KIF9: variants seen among roughly 807,000 people sequenced by gnomAD.
KIF9 encodes kinesin-like protein KIF9.
In KIF9, 68 loss-of-function variants were observed where a neutral mutation model predicts 94.8. The observed-to-expected ratio is 0.72, with a 90% CI of 0.59 to 0.88. KIF9 has a LOEUF of 0.88. Among genes scored for constraint, KIF9 ranks in the 40% least tolerant of loss-of-function variants. KIF9 has a pLI of 0.00. For synonymous variants in KIF9, 343 were observed against 362.1 expected, an observed-to-expected ratio of 0.95 and a Z score of 0.60; for missense variants, 882 against 982.5, an observed-to-expected ratio of 0.90 and a Z score of 1.37.
chr3:47,273,786 C>T (rs1398107527), intron 3 of KIF9, 128 bp from the exon 4 acceptor site: 3 of 776,310 alleles, frequency 3.9e-6, no homozygotes, highest in Non-Finnish European at 6.6e-6. Context: ...CAGCCAAGAA[C>T]ATCAGGAATT....
At chr3:47,276,569 A>G (rs1232252887) in intron 2 of KIF9, among the ~76,000 whole-genome samples, 3 of 151,682 alleles carry the variant, frequency 2.0e-5, no homozygotes, top group Admixed American at 6.6e-5. Context: ...AAAAAAAAAA[A>G]AAAAAGAAAA....
At chr3:47,269,091 C>T (rs1401801179) in intron 5 of KIF9, among the ~76,000 whole-genome samples, 1 of 151,978 alleles carries the variant, frequency 6.6e-6, no homozygotes, top group Non-Finnish European at 1.5e-5. Context: ...GTCTTTCTGG[C>T]CCTTTAAAAA....
In KIF9 at chr3:47,282,657, A is replaced by G; in HGVS notation, c.-168T>C. 3 of 1,226,910 alleles carry G rather than the reference A, an allele frequency of 2.4e-6. No individual in the cohort carries two copies. The highest frequency in any genetic ancestry group is 1.0e-6 in the Non-Finnish European group (1 of 971,876). The allele number at this position is 1,226,910 out of a possible 1,614,324, so 76.0% of individuals were successfully genotyped here. A position where few individuals can be genotyped will look rare whatever the true frequency, so the allele number is the denominator to read the frequency against. On this transcript the variant is annotated 5_prime_UTR_variant, in exon 1 of 21. It removes the in-frame stop codon of an upstream open reading frame in the 5' UTR. Coordinates refer to ENST00000684063, the MANE Select transcript of KIF9 (RefSeq NM_182902.4). ...TGGCGGAAATGAAGTCCGAGGTCCT[A>G]CGTCGAGGATACGGGTGAGGTCATG...
chr3:47,236,717 T>C, intron 17 of KIF9, 98 bp from the exon 18 acceptor site: 1 of 1,088,890 alleles, frequency 9.2e-7, no homozygotes, highest in South Asian at 1.4e-5. Context: ...TGGCAAATCA[T>C]GAAGACAGGA....
At chr3:47,273,489 A>C (rs1419139617) in intron 4 of KIF9, 63 bp downstream of exon 4, 8 of 1,304,384 alleles carry the variant, frequency 6.1e-6, no homozygotes, top group Non-Finnish European at 8.6e-6. Context: ...GCCCAGGGTC[A>C]GTAACATCTA....
intron 3 of KIF9, among the ~76,000 whole-genome samples, chr3:47,274,461 T>G (rs1329675232): frequency 3.9e-5 from 6 of 152,240 alleles, no homozygotes; most frequent in Non-Finnish European, 5.9e-5. Flanking sequence ...GCCCAGGCAA[T>G]GCTGGGCTGT....
rs144479760 is a variant in KIF9, at chr3:47,257,407, C to T, written c.1059+76G>A. On this transcript the variant is annotated intron_variant, in intron 10 of 20. Coordinates refer to ENST00000684063, the MANE Select transcript of KIF9 (RefSeq NM_182902.4). ...CTTTGGTTGAGGCAGGAAGGGAAGG[C>T]TCGCTTGTGTGACCCAAGCAGCAAA... 53 of 1,299,504 alleles carry T rather than the reference C, an allele frequency of 4.1e-5. No individual in the cohort carries two copies. In the African/African-American group the frequency reaches 7.2e-4, roughly 18 times the overall value. 80.5% of individuals were successfully genotyped at this position (1,299,504 alleles called of 1,614,324 possible). A position where few individuals can be genotyped will look rare whatever the true frequency, so the allele number is the denominator to read the frequency against.
chr3:47,271,162 A>T, intron 5 of KIF9, 75 bp downstream of exon 5: 1 of 1,063,198 alleles, frequency 9.4e-7, no homozygotes, highest in South Asian at 1.5e-5. Context: ...AAAAAGAAAA[A>T]GAAAAAGAAA....
chr3:47,241,073 C>A, intron 16 of KIF9, 58 bp from the exon 17 acceptor site: 3 of 1,467,098 alleles, frequency 2.0e-6, no homozygotes, highest in Non-Finnish European at 2.9e-6. Flanking sequence ...TTGGAGCCAC[C>A]AGGCACTTCA....
At chr3:47,274,414 C>T (rs903267760) in intron 3 of KIF9, among the ~76,000 whole-genome samples, 3 of 152,250 alleles carry the variant, frequency 2.0e-5, no homozygotes, top group African/African-American at 7.2e-5. Flanking sequence ...CAGACCCCAT[C>T]CCACAGGCTG....
chr3:47,265,798 C>T lies in KIF9; in HGVS notation c.848G>A (p.Gly283Glu), dbSNP rs778078117. Residue 283 changes from glycine to glutamate, a missense_variant, in exon 8 of 21, where the codon GGG becomes GAG. Transcript: ENST00000684063. ...SFLEQAIIAL[G>E]DQKRDHIPFR... The stretch of plus-strand genomic sequence containing the variant: ...GGGGATGTGGTCCCGCTTCTGGTCC[C>T]CAAGGGCAATGATGGCCTGCTCCAG... 1 of 1,614,048 alleles carries T rather than the reference C, an allele frequency of 6.2e-7. No individual in the cohort carries two copies. The highest frequency in any genetic ancestry group is 1.1e-5 in the South Asian group (1 of 91,080).
intron 4 of KIF9, among the ~76,000 whole-genome samples, chr3:47,271,797 A>C (rs983768978): frequency 4.6e-5 from 7 of 152,154 alleles, no homozygotes; most frequent in Non-Finnish European, 1.0e-4. Context: ...GTGCAGGAGC[A>C]ATACGTATTT....
intron 15 of KIF9, chr3:47,244,061 CTGGCCTG>C (rs888580003): frequency 2.6e-5 from 4 of 152,262 alleles, no homozygotes; most frequent in African/African-American, 9.7e-5. Flanking sequence ...ACAATCAGCT[CTGGCCTG>C]TGGCCTGTGC....
intron 8 of KIF9, among the ~76,000 whole-genome samples, chr3:47,265,088 C>G (rs1701210378): frequency 6.6e-6 from 1 of 152,138 alleles, no homozygotes; most frequent in South Asian, 2.1e-4. Context: ...CTTATAGCAG[C>G]CTGAACTGAG....
chr3:47,278,453 T>C (rs1275111308), intron 1 of KIF9, among the ~76,000 whole-genome samples: 4 of 152,166 alleles, frequency 2.6e-5, no homozygotes, highest in Non-Finnish European at 4.4e-5. Flanking sequence ...TAGGCTAGCC[T>C]TTAACTTCTG....
intron 16 of KIF9, among the ~76,000 whole-genome samples, chr3:47,241,714 C>T (rs918377018): frequency 7.5e-5 from 11 of 147,436 alleles, no homozygotes; most frequent in African/African-American, 1.5e-4. Flanking sequence ...TACACACACA[C>T]ATATAAAACA....
intron 3 of KIF9, among the ~76,000 whole-genome samples, chr3:47,274,637 T>C (rs1338146566): frequency 6.6e-6 from 1 of 152,240 alleles, no homozygotes; most frequent in East Asian, 1.9e-4. Context: ...TCAGAGCCCA[T>C]TTGTGGTTCC....
At chr3:47,262,937 C>T (rs1576040303) in intron 9 of KIF9, among the ~76,000 whole-genome samples, 1 of 152,124 alleles carries the variant, frequency 6.6e-6, no homozygotes, top group East Asian at 1.9e-4. Flanking sequence ...CTCACTCTGT[C>T]ACCCAGGCTG....
Position 47,236,130 on chromosome 3 carries a change from A to G in KIF9, c.2121T>C (p.Asn707=). 1.2e-6 allele frequency: 2 copies of G among 1,613,782 alleles called. No individual in the cohort carries two copies. Among genetic ancestry groups the G allele is most frequent in the Non-Finnish European group, 1.7e-6 (2 of 1,179,648 alleles). The change falls in exon 19 of 21, where the codon AAT becomes AAC. Residue 707 remains asparagine (N), a synonymous_variant. Transcript: ENST00000684063. The part of the protein sequence containing the change: ...RLLMEFDIWY[N]ESFVIPEDMQ... Reference sequence around the variant, plus strand: ...TGTCCTCAGGGATGACAAAGGACTCATTGTACCAGATGTCAAATTCTACAA... The same window carrying G: ...TGTCCTCAGGGATGACAAAGGACTCGTTGTACCAGATGTCAAATTCTACAA...
Sources: gnomAD v4.1 joint callset for allele counts (sites outside exome capture counted in the v4.1 genomes callset) on GRCh38, gnomAD v4.1.1 for gene constraint, MANE v1.5 for transcripts, NCBI Gene and HGNC (gene_info 2026-07-23, HGNC 2026-07-21) for gene names.